The following SEMA5A variants were observed in gnomAD, a reference collection of about 807,000 sequenced individuals.
SEMA5A encodes the protein semaphorin 5A.
SEMA5A carries 55 observed loss-of-function variants against 135.5 expected under a neutral mutation model. The ratio of observed to expected loss-of-function variants is 0.41; its 90% confidence interval spans 0.33 to 0.51. SEMA5A has a LOEUF of 0.51. Ranked by LOEUF, SEMA5A falls within the 20% of genes least tolerant of loss-of-function variation. The pLI, the probability that SEMA5A is intolerant of heterozygous loss-of-function variation, is 0.37. For synonymous variants in SEMA5A, 580 were observed against 546.5 expected (o/e 1.06, Z -0.85); for missense variants, 1,290 against 1,419.9 (o/e 0.91, Z 1.47).
At chr5:9,174,620 T>C (rs1744106215) in intron 11 of SEMA5A, among the ~76,000 whole-genome samples, 1 of 152,190 alleles carries the variant, frequency 6.6e-6, no homozygotes, top group Non-Finnish European at 1.5e-5. Flanking sequence ...TAAATGTGCT[T>C]AGTAATGCCT....
intron 11 of SEMA5A, among the ~76,000 whole-genome samples, chr5:9,159,775 T>C (rs1210831821): frequency 6.6e-6 from 1 of 152,190 alleles, no homozygotes; most frequent in Non-Finnish European, 1.5e-5. Context: ...CAGCACTATT[T>C]ATAATAGCAA....
At chr5:9,192,406 A>G (rs1745161024) in intron 10 of SEMA5A, among the ~76,000 whole-genome samples, 1 of 152,254 alleles carries the variant, frequency 6.6e-6, no homozygotes, top group South Asian at 2.1e-4. Flanking sequence ...GAACAAGACA[A>G]TGTGCCTGGC....
chr5:9,400,639 T>A (rs1756619462), intron 2 of SEMA5A, among the ~76,000 whole-genome samples: 1 of 109,628 alleles, frequency 9.1e-6, no homozygotes, highest in Admixed American at 9.9e-5. Flanking sequence ...CCCAAGTAGC[T>A]GGGACTACAG....
At chr5:9,266,180 G>GAC (rs2150527955) in intron 5 of SEMA5A, among the ~76,000 whole-genome samples, 1 of 152,300 alleles carries the variant, frequency 6.6e-6, no homozygotes, top group South Asian at 2.1e-4. Context: ...AATACAGGTT[G>GAC]ATGTTTCCAA....
chr5:9,505,875 G>A (rs1735856113), intron 1 of SEMA5A, among the ~76,000 whole-genome samples: 1 of 152,194 alleles, frequency 6.6e-6, no homozygotes, highest in Non-Finnish European at 1.5e-5. Context: ...GTCTCAAAGT[G>A]AGCAATCAGA....
At chr5:9,059,730 A>G (rs1459404004) in intron 18 of SEMA5A, among the ~76,000 whole-genome samples, 1 of 152,038 alleles carries the variant, frequency 6.6e-6, no homozygotes, top group Non-Finnish European at 1.5e-5. Context: ...TTGTCTTTTT[A>G]GTAGGAATAA....
intron 11 of SEMA5A, among the ~76,000 whole-genome samples, chr5:9,158,439 G>GA (rs1228844416): frequency 6.6e-6 from 1 of 151,052 alleles, no homozygotes; most frequent in Non-Finnish European, 1.5e-5. Context: ...TTATTTGCAT[G>GA]AAAAAAAGTG....
intron 2 of SEMA5A, among the ~76,000 whole-genome samples, chr5:9,382,861 G>T (rs1157153312): frequency 6.6e-6 from 1 of 152,198 alleles, no homozygotes; most frequent in African/African-American, 2.4e-5. Context: ...AGAAGGTTGA[G>T]GTCCTTAAGA....
At chr5:9,445,445 G>A (rs778084427) in intron 1 of SEMA5A, among the ~76,000 whole-genome samples, 35 of 151,926 alleles carry the variant, frequency 2.3e-4, no homozygotes, top group East Asian at 3.9e-4. Flanking sequence ...CGAGGTGGGC[G>A]GATCACGAGG....
chr5:9,412,217 G>A (rs1450261222), intron 2 of SEMA5A, among the ~76,000 whole-genome samples: 1 of 151,864 alleles, frequency 6.6e-6, no homozygotes, highest in Non-Finnish European at 1.5e-5. Context: ...TAAAACATAG[G>A]TAGAAAAATC....
intron 11 of SEMA5A, among the ~76,000 whole-genome samples, chr5:9,165,321 C>T (rs3797924): frequency 0.093 from 14,122 of 151,994 alleles, 996 homozygotes; most frequent in African/African-American, 0.17. Context: ...GAAAAGGAAA[C>T]GAATTGAGGA....
At chr5:9,066,083 T>C (rs1239603459) in intron 17 of SEMA5A, among the ~76,000 whole-genome samples, 1 of 152,236 alleles carries the variant, frequency 6.6e-6, no homozygotes, top group Admixed American at 6.5e-5. Flanking sequence ...GCTTACATTT[T>C]AGTGCCAGAA....
intron 16 of SEMA5A, among the ~76,000 whole-genome samples, chr5:9,096,549 T>G (rs1739324228): frequency 7.2e-6 from 1 of 139,672 alleles, no homozygotes; most frequent in Admixed American, 7.5e-5. Flanking sequence ...CTGTATAATA[T>G]TCCACTGTGT....
chr5:9,185,397 A>G (rs527912614), intron 11 of SEMA5A, among the ~76,000 whole-genome samples: 1 of 152,330 alleles, frequency 6.6e-6, no homozygotes, highest in South Asian at 2.1e-4. Context: ...TTCATCTATT[A>G]GCTGCCCCTG....
intron 1 of SEMA5A, among the ~76,000 whole-genome samples, chr5:9,491,132 C>G: frequency 6.6e-6 from 1 of 152,158 alleles, no homozygotes; most frequent in Middle Eastern, 3.4e-3. Context: ...GCGATGTCCT[C>G]AAGTTCAGTT....
At chr5:9,274,717 G>A (rs1302552662) in intron 5 of SEMA5A, among the ~76,000 whole-genome samples, 1 of 152,172 alleles carries the variant, frequency 6.6e-6, no homozygotes, top group Non-Finnish European at 1.5e-5. Flanking sequence ...TGAACAACCT[G>A]CTCCTGAATG....
intron 14 of SEMA5A, among the ~76,000 whole-genome samples, chr5:9,121,337 T>G (rs185033900): frequency 2.6e-4 from 39 of 152,306 alleles, no homozygotes; most frequent in African/African-American, 9.1e-4. Context: ...TCACGATTAT[T>G]AGTACAAAGC....
At chr5:9,284,922 A>G (rs1750727102) in intron 5 of SEMA5A, among the ~76,000 whole-genome samples, 1 of 152,180 alleles carries the variant, frequency 6.6e-6, no homozygotes, top group Non-Finnish European at 1.5e-5. Flanking sequence ...AGAAAATGTG[A>G]TGATAACACA....
At chr5:9,146,446 T>C (rs1043116357) in intron 12 of SEMA5A, among the ~76,000 whole-genome samples, 2 of 152,208 alleles carry the variant, frequency 1.3e-5, no homozygotes, top group African/African-American at 4.8e-5. Context: ...GTTGAAAGGA[T>C]GTATCATAAG....
Sources: gnomAD v4.1 joint callset for allele counts (sites outside exome capture counted in the v4.1 genomes callset) on GRCh38, gnomAD v4.1.1 for gene constraint, MANE v1.5 for transcripts, NCBI Gene and HGNC (gene_info 2026-07-23, HGNC 2026-07-21) for gene names.